The following SLC24A3 variants were observed in gnomAD, a reference collection of about 807,000 sequenced individuals.
The protein encoded by SLC24A3 is sodium/potassium/calcium exchanger 3.
Under a neutral mutation model 75.8 loss-of-function variants are expected in SLC24A3, and 28 were observed. That is an observed-to-expected ratio of 0.37 (90% confidence interval 0.27 to 0.51). The LOEUF (loss-of-function observed/expected upper bound fraction) is 0.51. Ranked by LOEUF, SLC24A3 falls within the 20% of genes least tolerant of loss-of-function variation. SLC24A3 has a pLI of 0.94. For missense variants in SLC24A3, 663 were observed against 847.8 expected, an observed-to-expected ratio of 0.78 and a Z score of 2.71; for synonymous variants, 372 against 334.1, an observed-to-expected ratio of 1.11 and a Z score of -1.24.
At chr20:19,446,393 A>G (rs538345261) in intron 2 of SLC24A3, among the ~76,000 whole-genome samples, 176 of 152,356 alleles carry the variant, frequency 1.2e-3, no homozygotes, top group African/African-American at 4.0e-3. Flanking sequence ...AACAGTAAGG[A>G]AAAAGATGTT....
At chr20:19,693,595 C>T in intron 13 of SLC24A3, 170 bp downstream of exon 13, 1 of 769,456 alleles carries the variant, frequency 1.3e-6, no homozygotes, top group Non-Finnish European at 2.0e-6. Context: ...ATCGATTCTC[C>T]TGCTCACACG....
chr20:19,692,992 A>G (rs569450409), intron 12 of SLC24A3, among the ~76,000 whole-genome samples: 1 of 151,724 alleles, frequency 6.6e-6, no homozygotes, highest in African/African-American at 2.4e-5. Flanking sequence ...CTAGCCTGGT[A>G]TTACTAAGAA....
At chr20:19,378,715 A>G (rs1986129920) in intron 2 of SLC24A3, among the ~76,000 whole-genome samples, 1 of 152,170 alleles carries the variant, frequency 6.6e-6, no homozygotes, top group Non-Finnish European at 1.5e-5. Flanking sequence ...CAGGTCCCCA[A>G]AGCTCAGTCT....
chr20:19,720,920 G>A, intron 16 of SLC24A3, 71 bp from the exon 17 acceptor site: 1 of 1,579,784 alleles, frequency 6.3e-7, no homozygotes, highest in Non-Finnish European at 8.6e-7. Context: ...GGTCCCCTGG[G>A]TTCCCCTACC....
chr20:19,508,444 C>T (rs1172088661), intron 2 of SLC24A3, among the ~76,000 whole-genome samples: 1 of 151,948 alleles, frequency 6.6e-6, no homozygotes, highest in Non-Finnish European at 1.5e-5. Context: ...TTTTGGCCTG[C>T]TCCATTTGAT....
At chr20:19,653,948 A>C (rs2032235865) in intron 6 of SLC24A3, 114 bp from the exon 7 acceptor site, 1 of 689,250 alleles carries the variant, frequency 1.5e-6, no homozygotes, top group East Asian at 2.6e-5. Context: ...ATTGATTGGC[A>C]GATTGGGTGC....
chr20:19,652,240 G>A (rs576337968), intron 6 of SLC24A3, among the ~76,000 whole-genome samples: 6 of 152,052 alleles, frequency 3.9e-5, no homozygotes, highest in Admixed American at 2.0e-4. Flanking sequence ...ATCTTGTTAC[G>A]GTATAACAAG....
In SLC24A3 at chr20:19,259,899, A is replaced by G. The variant is rs548254140; in HGVS notation, c.143-21060A>G. Among the ~76,000 whole-genome samples the G allele has an allele frequency of 3.3e-5, 5 of 152,336 alleles. 1 individual carries two copies. Among genetic ancestry groups the G allele is most frequent in the African/African-American group, 9.6e-5 (4 of 41,576 alleles). ...TATCATGTTTTCCTTTTAACAAAGT[A>G]GGTCTCTCCCTCCCATGTCTCAGAT... On this transcript the variant is annotated intron_variant, in intron 1 of 16. Coordinates refer to ENST00000328041, the MANE Select transcript of SLC24A3 (RefSeq NM_020689.4).
chr20:19,489,868 T>C (rs1329280613), intron 2 of SLC24A3, among the ~76,000 whole-genome samples: 2 of 152,206 alleles, frequency 1.3e-5, no homozygotes, highest in African/African-American at 2.4e-5. Flanking sequence ...CTCTGGAATG[T>C]GCCGTTCTTC....
intron 6 of SLC24A3, among the ~76,000 whole-genome samples, chr20:19,628,411 A>C (rs1600309772): frequency 6.6e-6 from 1 of 152,066 alleles, no homozygotes; most frequent in South Asian, 2.1e-4. Context: ...AACATCAGAA[A>C]CCAGTTGACA....
At chr20:19,251,070 A>C (rs942850238) in intron 1 of SLC24A3, among the ~76,000 whole-genome samples, 4 of 152,232 alleles carry the variant, frequency 2.6e-5, no homozygotes, top group Admixed American at 2.0e-4. Flanking sequence ...GTACCATTAC[A>C]GACATCACTA....
intron 2 of SLC24A3, among the ~76,000 whole-genome samples, chr20:19,484,847 T>G (rs981530563): frequency 1.3e-5 from 2 of 152,228 alleles, no homozygotes; most frequent in Non-Finnish European, 2.9e-5. Flanking sequence ...GTGTACATTT[T>G]TACCACAATT....
At chr20:19,575,254 C>CAAAAAAAAAAAAAAAAAAAAAAAA in intron 3 of SLC24A3, among the ~76,000 whole-genome samples, 1 of 72,642 alleles carries the variant, frequency 1.4e-5, no homozygotes, top group Non-Finnish European at 2.7e-5. Context: ...GAGACACTCT[C>CAAAAAAAAAAAAAAAAAAAAAAAA]AAAAAAAAAA....
At chr20:19,229,163 CT>C (rs11479860) in intron 1 of SLC24A3, among the ~76,000 whole-genome samples, 33,590 of 151,880 alleles carry the variant, frequency 0.22, 3,863 homozygotes, top group South Asian at 0.31. Context: ...TTATGAAGTA[CT>C]TTTTTTGTTT....
intron 2 of SLC24A3, among the ~76,000 whole-genome samples, chr20:19,428,169 G>C (rs1362454595): frequency 3.3e-5 from 5 of 152,196 alleles, no homozygotes; most frequent in Non-Finnish European, 7.3e-5. Flanking sequence ...GCATGAGCCC[G>C]GTCTGGTTGT....
At chr20:19,385,249 T>C (rs1307853483) in intron 2 of SLC24A3, among the ~76,000 whole-genome samples, 1 of 152,224 alleles carries the variant, frequency 6.6e-6, no homozygotes, top group Non-Finnish European at 1.5e-5. Context: ...GCTTTCACTC[T>C]ATATTTTCTT....
At position 19,281,327 on chromosome 20, in the gene SLC24A3, C is replaced by T. The variant is rs188010503; in HGVS notation, c.271+240C>T. On this transcript the variant is annotated intron_variant, in intron 2 of 16. Coordinates refer to ENST00000328041, the MANE Select transcript of SLC24A3 (RefSeq NM_020689.4). ...GTCAGAGACAGTGACACTCCTGATG[C>T]GGTACTGAGATCAGATGTGGAGGCT... 1.0e-3 allele frequency among the ~76,000 whole-genome samples: 157 copies of T among 152,240 alleles called. 3 individuals are homozygous for T. The highest frequency in any genetic ancestry group is 3.5e-3 in the Admixed American group (54 of 15,292).
chr20:19,472,492 C>T (rs190773310), intron 2 of SLC24A3, among the ~76,000 whole-genome samples: 1 of 152,338 alleles, frequency 6.6e-6, no homozygotes, highest in East Asian at 1.9e-4. Context: ...GACACTTCAG[C>T]TTCACACATG....
At chr20:19,254,597 T>C (rs932126484) in intron 1 of SLC24A3, among the ~76,000 whole-genome samples, 3 of 152,164 alleles carry the variant, frequency 2.0e-5, no homozygotes, top group Admixed American at 1.3e-4. Flanking sequence ...TAATGATAAC[T>C]CACGAAGAAA....
Sources: allele counts gnomAD v4.1 joint callset (sites outside exome capture counted in the v4.1 genomes callset), GRCh38; gene constraint gnomAD v4.1.1; transcripts MANE v1.5; gene names NCBI Gene and HGNC (gene_info 2026-07-23, HGNC 2026-07-21).